SHC1: variants seen among roughly 807,000 people sequenced by gnomAD.
The protein encoded by SHC1 is SHC adaptor protein 1.
A neutral mutation model predicts 55.9 loss-of-function variants in SHC1; 30 were observed. That is an observed-to-expected ratio of 0.54 (90% CI 0.40 to 0.73). SHC1 has a LOEUF of 0.73. Ranked by LOEUF, SHC1 falls within the 30% of genes least tolerant of loss-of-function variation. SHC1 has a pLI of 0.00. For missense variants in SHC1, 675 were observed against 777.1 expected (o/e 0.87, Z 1.56); for synonymous variants, 309 against 306.1 (o/e 1.01, Z -0.10).
chr1:154,964,475 T>A (rs1655691696), intron 11 of SHC1: 1 of 355,880 alleles, frequency 2.8e-6, no homozygotes, highest in Non-Finnish European at 5.5e-6. Context: ...CTGAGATTAC[T>A]GTAGAAAACA....
intron 11 of SHC1, chr1:154,964,486 A>G (rs547124014): frequency 3.7e-5 from 13 of 354,514 alleles, no homozygotes; most frequent in African/African-American, 2.8e-4. Context: ...GTAGAAAACA[A>G]ACAAAAGTTT....
intron 8 of SHC1, 39 bp downstream of exon 8, chr1:154,966,280 C>G: frequency 6.2e-7 from 1 of 1,611,578 alleles, no homozygotes; most frequent in Non-Finnish European, 8.5e-7. Flanking sequence ...CCAACCACTC[C>G]CACCCTAGCC....
Position 154,963,681 on chromosome 1 carries a change from T to G in SHC1, c.*122A>C. 9.9e-7 allele frequency: 1 copy of G among 1,014,610 alleles called. No individual in the cohort carries two copies. Among genetic ancestry groups the G allele is most frequent in the Non-Finnish European group, 1.5e-6 (1 of 679,730 alleles). 62.9% of individuals were successfully genotyped at this position (1,014,610 alleles called of 1,614,324 possible). A position where few individuals can be genotyped will look rare whatever the true frequency, so the allele number is the denominator to read the frequency against. Reference sequence around the variant, plus strand: ...AGCTGGATATGAAACCCAGAGTCCATGCTACTCCCAGCTCTGACACAAGGC... The same window carrying G: ...AGCTGGATATGAAACCCAGAGTCCAGGCTACTCCCAGCTCTGACACAAGGC... On this transcript the variant is annotated 3_prime_UTR_variant, in exon 12 of 12. Coordinates refer to ENST00000448116, the MANE Select transcript of SHC1 (RefSeq NM_001130040.2).
At chr1:154,967,882 C>A in intron 6 of SHC1, 85 bp from the exon 7 acceptor site, 1 of 1,601,144 alleles carries the variant, frequency 6.2e-7, no homozygotes, top group African/African-American at 1.3e-5. Context: ...CTGCAGGAAC[C>A]CCCACTGAGA....
upstream of SHC1, among the ~76,000 whole-genome samples, chr1:154,971,549 C>T (rs142411976): frequency 2.7e-3 from 407 of 152,218 alleles, 3 homozygotes; most frequent in African/African-American, 9.3e-3. Flanking sequence ...GGCTTGTTAA[C>T]ACAGCACACT....
chr1:154,968,800 C>G lies in SHC1; in HGVS notation c.601G>C (p.Gly201Arg). 4 of 1,614,044 alleles carry G rather than the reference C, an allele frequency of 2.5e-6. No individual in the cohort carries two copies. The East Asian group carries it at 6.7e-5, about 27-fold the overall frequency. Residue 201 changes from glycine to arginine, a missense_variant, in exon 3 of 12, where the codon GGT becomes CGT. By Grantham distance (125) the Gly-to-Arg change is moderately radical (BLOSUM62 -2). Around this residue, in one of 3 missense-constraint regions of SHC1, gnomAD observed 159 missense variants for 246.9 expected, o/e 0.64. Transcript: ENST00000448116. ...AISLVCEAVP[G>R]AKGATRRRKP... is the part of the protein sequence containing the mutation. ...CTCCTCCTTGTCGCCCCCTTAGCAC[C>G]CGGCACAGCCTCACACACCAGACTG...
rs552288371 is a variant in SHC1 at position 154,970,004 on chromosome 1, G to C, written c.495+28C>G. 1.9e-6 allele frequency: 3 copies of C among 1,612,446 alleles called. No individual in the cohort carries two copies. Among genetic ancestry groups the C allele is most frequent in the Middle Eastern group, 1.7e-4 (1 of 6,050 alleles). On this transcript the variant is annotated intron_variant, in intron 1 of 11. Coordinates refer to ENST00000448116, the MANE Select transcript of SHC1 (RefSeq NM_001130040.2). The surrounding 1 kb of genome is among the most constrained non-coding windows in gnomAD (Gnocchi z 5.5). ...CATTAGAACTGGAGGGGGTCTGCGG[G>C]GGAATGGAGAGGAGGATGTTCACTC...
In SHC1 at chr1:154,967,793, G is replaced by C; in HGVS notation, c.861C>G (p.Cys287Trp). The C allele has an allele frequency of 6.2e-7, 1 of 1,614,028 alleles. No homozygotes were observed. The highest frequency in any genetic ancestry group is 8.5e-7 in the Non-Finnish European group (1 of 1,179,944). Residue 287 changes from cysteine to tryptophan, a missense_variant, in exon 7 of 12, where the codon TGC (cysteine) becomes TGG (tryptophan). Physicochemically the swap from Cys to Trp is radical, Grantham distance 215. Transcript: ENST00000448116. Reference sequence around the variant, plus strand: ...GCCCTTCGGGACACTCCAGAATGTGGCAGGCTGAGGGCACAGCAGAGGCTG... The same window carrying C: ...GCCCTTCGGGACACTCCAGAATGTGCCAGGCTGAGGGCACAGCAGAGGCTG... ...VAKDPVNQRA[C>W]HILECPEGLA...
chr1:154,968,777 C>A lies in SHC1; in HGVS notation c.624G>T (p.Arg208Ser), dbSNP rs76505256. ...AVPGAKGATR[R>S]RKPCSRPLSS... is the part of the protein sequence containing the mutation. ...CCCCAAGGACCCCAAGTACCTTTCT[C>A]CTCCTTGTCGCCCCCTTAGCACCCG... Residue 208 changes from arginine (R) to serine (S), a missense_variant, in exon 3 of 12, where the codon AGG (arginine) becomes AGT (serine). Transcript: ENST00000448116. 6.2e-7 allele frequency: 1 copy of A among 1,614,000 alleles called. No homozygotes were observed. Among genetic ancestry groups the A allele is most frequent in the Non-Finnish European group, 8.5e-7 (1 of 1,179,902 alleles).
At chr1:154,971,113 G>C (rs753079356), upstream of SHC1, among the ~76,000 whole-genome samples, 4 of 152,108 alleles carry the variant, frequency 2.6e-5, no homozygotes, top group Non-Finnish European at 2.9e-5. Context: ...GAGGCAGCTG[G>C]GGGTGGAAAA....
chr1:154,972,241 G>A (rs1262239898), upstream of SHC1, among the ~76,000 whole-genome samples: 2 of 148,834 alleles, frequency 1.3e-5, no homozygotes, highest in Non-Finnish European at 3.0e-5. Flanking sequence ...GCAAAACTCC[G>A]TCTCAAAAAA....
At chr1:154,970,797 G>A, upstream of SHC1, 1 of 360,050 alleles carries the variant, frequency 2.8e-6, no homozygotes, top group Admixed American at 4.4e-5. The surrounding 1 kb of genome is among the most constrained non-coding windows in gnomAD (Gnocchi z 5.5). Context: ...CCTCCCCAGG[G>A]GCGGGGAGCT....
At chr1:154,967,233 T>C (rs779491621) in intron 7 of SHC1, among the ~76,000 whole-genome samples, 8 of 152,156 alleles carry the variant, frequency 5.3e-5, no homozygotes, top group Admixed American at 1.3e-4. Flanking sequence ...CTCCTAAATA[T>C]TCAATCCCTA....
chr1:154,969,567 C>T, intron 1 of SHC1, 119 bp from the exon 2 acceptor site: 1 of 685,660 alleles, frequency 1.5e-6, no homozygotes, highest in Non-Finnish European at 2.6e-6. Context: ...AGAAGTTCTG[C>T]CCACTTCCCG....
rs913030551 is a variant in SHC1, at chr1:154,962,598, G to C, written c.*1205C>G. 2.0e-5 allele frequency: 3 copies of C among 152,384 alleles called. No individual in the cohort carries two copies. Among genetic ancestry groups the C allele is most frequent in the African/African-American group, 7.2e-5 (3 of 41,436 alleles). The allele number at this position is 152,384 out of a possible 1,614,324, so 9.4% of individuals were successfully genotyped here. On this transcript the variant is annotated 3_prime_UTR_variant, in exon 12 of 12. Coordinates refer to ENST00000448116, the MANE Select transcript of SHC1 (RefSeq NM_001130040.2). ...AGAGACCCAAGTTTTTCTAGTCCTA[G>C]ATGGAAATAAATTTCATCTGCCTCA...
upstream of SHC1, chr1:154,970,803 G>A (rs1656667578): frequency 2.9e-6 from 1 of 342,782 alleles, no homozygotes; most frequent in East Asian, 5.6e-5. The surrounding 1 kb of genome is among the most constrained non-coding windows in gnomAD (Gnocchi z 5.5). Context: ...CAGGGGCGGG[G>A]AGCTAAGGGG....
chr1:154,969,232 A>T lies in SHC1; in HGVS notation c.566+146T>A, dbSNP rs1656420617. On this transcript the variant is annotated intron_variant, in intron 2 of 11. Coordinates refer to ENST00000448116, the MANE Select transcript of SHC1 (RefSeq NM_001130040.2). Reference sequence around the variant, plus strand: ...GGGGCCTCCTTTCAGTAAGAGGCGGAATCACTACCTCAGCTTTCTCTCAAT... The same window carrying T: ...GGGGCCTCCTTTCAGTAAGAGGCGGTATCACTACCTCAGCTTTCTCTCAAT... The T allele has an allele frequency of 2.6e-5, 17 of 655,922 alleles. No homozygotes were observed. The Admixed American group carries it at 3.8e-4, about 15-fold the overall frequency. 40.6% of individuals were successfully genotyped at this position (655,922 alleles called of 1,614,324 possible).
chr1:154,965,911 G>C, intron 10 of SHC1, 35 bp downstream of exon 10: 2 of 1,593,938 alleles, frequency 1.3e-6, no homozygotes, highest in Non-Finnish European at 1.7e-6. Context: ...AAGTAGAAAG[G>C]TGGGGATGCA....
intron 11 of SHC1, chr1:154,965,198 G>A (rs1432653408): frequency 1.1e-4 from 21 of 186,582 alleles, no homozygotes; most frequent in African/African-American, 4.8e-4. Flanking sequence ...CACCACACCC[G>A]GCTAATTTTT....
Sources: allele counts gnomAD v4.1 joint callset (sites outside exome capture counted in the v4.1 genomes callset), GRCh38; gene constraint gnomAD v4.1.1; regional missense constraint gnomAD v4.1.1; non-coding constraint Gnocchi (gnomAD v3.1); transcripts MANE v1.5; gene names NCBI Gene and HGNC (gene_info 2026-07-23, HGNC 2026-07-21).